The following CFAP92 variants were observed in gnomAD, a reference collection of about 807,000 sequenced individuals.
CFAP92 encodes uncharacterized protein CFAP92.
CFAP92 carries 86 observed loss-of-function variants against 106.3 expected under a neutral mutation model. The ratio of observed to expected loss-of-function variants is 0.81; its 90% confidence interval spans 0.68 to 0.97. CFAP92 has a LOEUF of 0.97. Among genes scored for constraint, CFAP92 ranks in the 50% least tolerant of loss-of-function variants. The pLI, the probability that CFAP92 is intolerant of heterozygous loss-of-function variation, is 0.00. For synonymous variants in CFAP92, 477 were observed against 506.4 expected (o/e 0.94, Z 0.78); for missense variants, 1,204 against 1,283.8 (o/e 0.94, Z 0.95).
At chr3:128,921,171 G>C (rs939190644) in intron 12 of CFAP92, among the ~76,000 whole-genome samples, 5 of 152,136 alleles carry the variant, frequency 3.3e-5, no homozygotes, top group Non-Finnish European at 5.9e-5. Context: ...CCCACAGCCT[G>C]GAGTTGGGTC....
intron 9 of CFAP92, among the ~76,000 whole-genome samples, chr3:128,951,656 C>T (rs927804601): frequency 6.6e-6 from 1 of 152,028 alleles, no homozygotes; most frequent in Non-Finnish European, 1.5e-5. Flanking sequence ...CAGAAAGGAC[C>T]CCAAGAAAAG....
chr3:128,942,981 C>T (rs960819173), intron 10 of CFAP92, among the ~76,000 whole-genome samples: 3 of 133,938 alleles, frequency 2.2e-5, no homozygotes, highest in East Asian at 2.4e-4. Flanking sequence ...AGTGCAGTGG[C>T]GCGATCTCAC....
At chr3:128,943,914 T>TTCC in intron 10 of CFAP92, among the ~76,000 whole-genome samples, 1 of 137,232 alleles carries the variant, frequency 7.3e-6, no homozygotes, top group East Asian at 2.1e-4. Flanking sequence ...TTGGGTTATT[T>TTCC]CCCCCGTTTT....
chr3:128,973,448 G>C (rs1310957171), intron 7 of CFAP92, among the ~76,000 whole-genome samples: 1 of 152,004 alleles, frequency 6.6e-6, no homozygotes, highest in African/African-American at 2.4e-5. Flanking sequence ...CCTGAGGTCG[G>C]GAGTTCAAGA....
chr3:128,920,870 T>C (rs560449994), intron 12 of CFAP92, among the ~76,000 whole-genome samples: 2 of 152,362 alleles, frequency 1.3e-5, no homozygotes, highest in African/African-American at 4.8e-5. Context: ...CCAAGGCTCA[T>C]AGATCGATTG....
At chr3:128,955,636 G>T in intron 9 of CFAP92, among the ~76,000 whole-genome samples, 1 of 50,146 alleles carries the variant, frequency 2.0e-5, no homozygotes, top group Non-Finnish European at 2.9e-5. Context: ...GGGAAGTGAG[G>T]AGCCCCTCTG....
At position 128,921,402 on chromosome 3, in the gene CFAP92, A is replaced by G. The variant is rs1683781; in HGVS notation, c.2752-5131T>C. The stretch of plus-strand genomic sequence containing the variant: ...GTTTTAATACAGCTTCTTACATACA[A>G]TAATGCTAATGCAGTGTCAAACTGC... On this transcript the variant is annotated intron_variant, in intron 12 of 15. Transcript: ENST00000645291. Among the ~76,000 whole-genome samples the G allele has an allele frequency of 6.0e-3, 918 of 152,316 alleles. 8 individuals are homozygous for G. Among genetic ancestry groups the G allele is most frequent in the African/African-American group, 0.021 (858 of 41,578 alleles).
chr3:128,915,164 G>A lies in CFAP92; in HGVS notation c.3235C>T (p.Pro1079Ser), dbSNP rs1220354523. 5 of 1,536,048 alleles carry A rather than the reference G, an allele frequency of 3.3e-6. No individual in the cohort carries two copies. Among genetic ancestry groups the A allele is most frequent in the Non-Finnish European group, 4.4e-6 (5 of 1,146,942 alleles). Residue 1079 changes from proline to serine, a missense_variant, in exon 15 of 16, where the codon CCT becomes TCT. Physicochemically the swap from Pro to Ser is moderately conservative, Grantham distance 74. Transcript: ENST00000645291. ...GGCGAAGGGAGCAGCTCGAGGAAAG[G>A]TGGTGGTTTCTTGTACAGATCAAAG... ...VDFDLYKKPP[P>S]FLELLPSPAP...
intron 4 of CFAP92, among the ~76,000 whole-genome samples, chr3:128,986,150 C>T (rs1559932731): frequency 6.6e-6 from 1 of 151,254 alleles, no homozygotes; most frequent in Non-Finnish European, 1.5e-5. Flanking sequence ...TCCAGCCACA[C>T]AAAATTGAGG....
chr3:128,960,784 G>A (rs548821663), intron 9 of CFAP92, among the ~76,000 whole-genome samples: 1 of 152,172 alleles, frequency 6.6e-6, no homozygotes, highest in African/African-American at 2.4e-5. Context: ...CTTTCCTGGG[G>A]CAGGGGCAAG....
intron 2 of CFAP92, among the ~76,000 whole-genome samples, chr3:128,989,534 C>T (rs1944083153): frequency 6.6e-6 from 1 of 152,068 alleles, no homozygotes; most frequent in Non-Finnish European, 1.5e-5. Flanking sequence ...GATAGGGTGA[C>T]AGGATGTGGA....
At position 128,945,511 on chromosome 3, in the gene CFAP92, C is replaced by T. The variant is rs1393641409; in HGVS notation, c.1818G>A (p.Val606=). Residue 606 remains valine, a synonymous_variant, in exon 10 of 16, where the codon GTG becomes GTA. Transcript: ENST00000645291. ...GGCCATCTCTGGGGACCCCAAGCCC[C>T]ACAACCTTCCTTCTCCTGCTGTCCT... ...CGQDSRRRKV[V]GLGVPRDGHQ... The T allele has an allele frequency of 2.6e-6, 4 of 1,536,174 alleles. No homozygotes were observed. The South Asian group carries it at 4.8e-5, about 18-fold the overall frequency.
intron 12 of CFAP92, among the ~76,000 whole-genome samples, chr3:128,921,627 A>C (rs1012440012): frequency 2.0e-5 from 3 of 152,202 alleles, no homozygotes. Context: ...TAGAAAAGGA[A>C]ATCAAAAGGC....
chr3:128,971,277 C>G lies in CFAP92; in HGVS notation c.1168+10G>C. On this transcript the variant is annotated intron_variant, in intron 8 of 15. Transcript: ENST00000645291. ...CAGGAGCTGCTGGGAACAGGGCAAG[C>G]AGTGGGTACCGGCAAGGAGCGGCAT... The G allele has an allele frequency of 1.2e-6, 2 of 1,613,734 alleles. No homozygotes were observed. The highest frequency in any genetic ancestry group is 2.2e-5 in the South Asian group (2 of 91,014).
At chr3:128,996,126 C>T (rs1040502635), upstream of CFAP92, among the ~76,000 whole-genome samples, 2 of 152,210 alleles carry the variant, frequency 1.3e-5, no homozygotes, top group African/African-American at 4.8e-5. Flanking sequence ...GAAGCCCAAG[C>T]AGCCATGTGA....
At chr3:128,953,665 AGCCGAAGCTGGACTGTACTGCT>A in intron 9 of CFAP92, among the ~76,000 whole-genome samples, 1 of 118,962 alleles carries the variant, frequency 8.4e-6, no homozygotes, top group Non-Finnish European at 1.6e-5. Flanking sequence ...TCTCATGCGG[AGCCGAAGCTGGACTGTACTGCT>A]GCCATCTCGG....
At chr3:129,022,064 G>A in the CFAP92 span, among the ~76,000 whole-genome samples, 3 of 152,206 alleles carry the variant, frequency 2.0e-5, no homozygotes, top group East Asian at 3.8e-4. Flanking sequence ...AGAACTCACC[G>A]TGTGCTGGTG....
chr3:128,991,612 A>G, intron 2 of CFAP92: 1 of 190,568 alleles, frequency 5.2e-6, no homozygotes, highest in South Asian at 1.3e-4. Context: ...AGACTAGGAC[A>G]CTTCCTGTTT....
In CFAP92 at chr3:128,987,692, C is replaced by A; in HGVS notation, c.591G>T (p.Lys197Asn). ...GGTAATATCTGACTTTTCTTGACAT[C>A]TTGTCTTTAGTGTTCCAGAGCCTCA... ...ITLRLWNTKD[K>N]MSRKVRYYRL... Residue 197 changes from lysine (K) to asparagine (N), a missense_variant, in exon 4 of 16, where the codon AAG (lysine) becomes AAT (asparagine). Lys to Asn is a moderately conservative substitution (Grantham distance 94). Transcript: ENST00000645291. The A allele has an allele frequency of 6.2e-7, 1 of 1,613,946 alleles. No homozygotes were observed. Among genetic ancestry groups the A allele is most frequent in the East Asian group, 2.2e-5 (1 of 44,890 alleles).
Sources: allele counts gnomAD v4.1 joint callset (sites outside exome capture counted in the v4.1 genomes callset), GRCh38; gene constraint gnomAD v4.1.1; transcripts MANE v1.5; gene names NCBI Gene and HGNC (gene_info 2026-07-23, HGNC 2026-07-21).